DEPTOR: variants seen among roughly 807,000 people sequenced by gnomAD.
DEPTOR encodes the protein DEP domain-containing mTOR-interacting protein.
In DEPTOR, 41 loss-of-function variants were observed where a neutral mutation model predicts 41.6. The ratio of observed to expected loss-of-function variants is 0.98; its 90% confidence interval spans 0.77 to 1.28. The LOEUF (loss-of-function observed/expected upper bound fraction) is 1.28. Among genes scored for constraint, DEPTOR ranks in the 50% most tolerant of loss-of-function variants. The pLI is 0.00. For synonymous variants in DEPTOR, 195 were observed against 192.3 expected (o/e 1.01, Z -0.12); for missense variants, 514 against 527.9 (o/e 0.97, Z 0.26).
intron 8 of DEPTOR, among the ~76,000 whole-genome samples, chr8:120,029,320 A>C (rs965479992): frequency 6.6e-6 from 1 of 152,314 alleles, no homozygotes; most frequent in Admixed American, 6.5e-5. Flanking sequence ...CCTTCATACT[A>C]TCCTGAGGAA....
At chr8:120,009,795 A>G (rs1180862643) in intron 8 of DEPTOR, among the ~76,000 whole-genome samples, 2 of 152,154 alleles carry the variant, frequency 1.3e-5, no homozygotes, top group South Asian at 2.1e-4. Context: ...AGCCAAGCAC[A>G]TATGATATAG....
intron 4 of DEPTOR, among the ~76,000 whole-genome samples, chr8:119,985,027 G>A (rs1244485598): frequency 6.6e-6 from 1 of 151,916 alleles, no homozygotes; most frequent in African/African-American, 2.4e-5. Context: ...CAAAAAATTA[G>A]CTGGGTGTAG....
chr8:120,015,602 C>T (rs1040962302), intron 8 of DEPTOR, among the ~76,000 whole-genome samples: 4 of 152,010 alleles, frequency 2.6e-5, no homozygotes, highest in Admixed American at 6.6e-5. Flanking sequence ...TTGGAAAAAA[C>T]GACATGGACA....
chr8:120,038,135 G>T lies in DEPTOR; in HGVS notation c.1102-11441G>T, dbSNP rs1813005459. Among the ~76,000 whole-genome samples, 4 of 151,570 alleles carry T rather than the reference G, an allele frequency of 2.6e-5. No individual in the cohort carries two copies. In the South Asian group the frequency reaches 8.4e-4, roughly 32 times the overall value. ...CACAAAAAAATTAGCCAGATGTGGT[G>T]GTGCACACCTGTAGTCCCAGCTACT... On this transcript the variant is annotated intron_variant, in intron 8 of 8. Transcript: ENST00000286234.
chr8:120,024,765 C>T lies in DEPTOR; in HGVS notation c.1101+15632C>T, dbSNP rs532065509. On this transcript the variant is annotated intron_variant, in intron 8 of 8. Transcript: ENST00000286234. ...CTGCTGAACCTTTGATTTCATACTT[C>T]TAGCATCCAGAATGTGAGACAAAAA... 1.0e-3 allele frequency among the ~76,000 whole-genome samples: 159 copies of T among 152,188 alleles called. 2 individuals are homozygous for T. The highest frequency in any genetic ancestry group is 3.4e-3 in the African/African-American group (142 of 41,536).
chr8:119,954,944 C>T (rs142487561), intron 3 of DEPTOR, among the ~76,000 whole-genome samples: 9,083 of 151,876 alleles, frequency 0.06, 326 homozygotes, highest in South Asian at 0.19. Context: ...CTGGAACCTC[C>T]GTCTCCTGGG....
chr8:119,987,891 T>C (rs77467949), intron 4 of DEPTOR, among the ~76,000 whole-genome samples: 329 of 152,276 alleles, frequency 2.2e-3, no homozygotes, highest in African/African-American at 7.6e-3. Flanking sequence ...GTGTCCCAGG[T>C]CGACCTCTGA....
intron 6 of DEPTOR, among the ~76,000 whole-genome samples, chr8:120,004,449 T>C (rs1350486183): frequency 6.6e-6 from 1 of 152,192 alleles, no homozygotes; most frequent in African/African-American, 2.4e-5. Context: ...TTGAAGCCTT[T>C]GTAGAAATCT....
chr8:119,909,304 A>G (rs1250167892), intron 1 of DEPTOR, among the ~76,000 whole-genome samples: 1 of 152,180 alleles, frequency 6.6e-6, no homozygotes, highest in Non-Finnish European at 1.5e-5. Context: ...CTGTCAGGAG[A>G]ATGCGACAGA....
intron 8 of DEPTOR, among the ~76,000 whole-genome samples, chr8:120,025,506 C>T (rs1038971187): frequency 1.3e-5 from 2 of 152,146 alleles, no homozygotes; most frequent in Admixed American, 6.6e-5. Context: ...ATTACTGGAA[C>T]AGGAATTATG....
chr8:120,029,092 A>G (rs1158054052), intron 8 of DEPTOR, among the ~76,000 whole-genome samples: 1 of 150,758 alleles, frequency 6.6e-6, no homozygotes, highest in Non-Finnish European at 1.5e-5. Flanking sequence ...AAAAATCAAT[A>G]TTGCTCATGC....
intron 8 of DEPTOR, among the ~76,000 whole-genome samples, chr8:120,035,171 T>A (rs1480460215): frequency 6.6e-6 from 1 of 151,884 alleles, no homozygotes; most frequent in African/African-American, 2.4e-5. Context: ...TACAAAAAAA[T>A]TAGCCAGCCA....
chr8:119,963,938 G>T (rs890940576), intron 3 of DEPTOR, among the ~76,000 whole-genome samples: 1 of 152,188 alleles, frequency 6.6e-6, no homozygotes, highest in Non-Finnish European at 1.5e-5. Context: ...ATTTGTTTGG[G>T]AGGTCCAAGA....
chr8:119,991,088 T>TTCTTTCTTTCTTTCTTTCTTTCTC (rs1368002570), intron 4 of DEPTOR, among the ~76,000 whole-genome samples: 3 of 45,796 alleles, frequency 6.6e-5, no homozygotes, highest in African/African-American at 2.0e-4. Context: ...CTTTCTTTCT[T>TTCTTTCTTTCTTTCTTTCTTTCTC]TTTCTTTCTT....
chr8:119,876,811 T>A (rs983801727), intron 1 of DEPTOR, among the ~76,000 whole-genome samples: 4 of 152,206 alleles, frequency 2.6e-5, no homozygotes, highest in Non-Finnish European at 4.4e-5. Flanking sequence ...TTCACTTCTC[T>A]GAGTCTCTGT....
intron 8 of DEPTOR, among the ~76,000 whole-genome samples, chr8:120,013,229 T>G (rs1812559341): frequency 6.6e-6 from 1 of 152,086 alleles, no homozygotes; most frequent in Admixed American, 6.6e-5. Context: ...AACATCATTA[T>G]GCAGTGCATG....
chr8:119,930,987 G>C (rs1243957498), intron 3 of DEPTOR, among the ~76,000 whole-genome samples: 1 of 152,052 alleles, frequency 6.6e-6, no homozygotes, highest in East Asian at 1.9e-4. Flanking sequence ...CGAGGTGGGT[G>C]GATCACTTGA....
At chr8:119,923,908 T>C (rs1208728337) in intron 1 of DEPTOR, among the ~76,000 whole-genome samples, 3 of 148,958 alleles carry the variant, frequency 2.0e-5, no homozygotes, top group Non-Finnish European at 4.5e-5. Context: ...TTTTTTTTGG[T>C]ATTATTTTTG....
intron 1 of DEPTOR, among the ~76,000 whole-genome samples, chr8:119,902,668 T>G (rs13253140): frequency 0.5 from 75,699 of 151,972 alleles, 20,579 homozygotes; most frequent in East Asian, 0.92. Context: ...CCAAGTTTCA[T>G]AGTTTCCTAA....
Sources: allele counts gnomAD v4.1 joint callset (sites outside exome capture counted in the v4.1 genomes callset), GRCh38; gene constraint gnomAD v4.1.1; transcripts MANE v1.5; gene names NCBI Gene and HGNC (gene_info 2026-07-23, HGNC 2026-07-21).